Variants in ELAPOR2 observed in about 807,000 individuals in gnomAD.
ELAPOR2 encodes the protein endosome-lysosome associated apoptosis and autophagy regulator family member 2, also known as endosome/lysosome-associated apoptosis and autophagy regulator family member 2.
Under a neutral mutation model 120.7 loss-of-function variants are expected in ELAPOR2, and 89 were observed. The observed-to-expected ratio is 0.74, with a 90% confidence interval of 0.62 to 0.88. The LOEUF (loss-of-function observed/expected upper bound fraction) is 0.88. Ranked by LOEUF, ELAPOR2 falls within the 40% of genes least tolerant of loss-of-function variation. The pLI, the probability that ELAPOR2 is intolerant of heterozygous loss-of-function variation, is 0.00. For missense variants in ELAPOR2, 1,134 were observed against 1,251.6 expected (o/e 0.91, Z 1.42); for synonymous variants, 444 against 444.9 (o/e 1.00, Z 0.03).
intron 1 of ELAPOR2, among the ~76,000 whole-genome samples, chr7:86,972,432 G>A (rs1792136142): frequency 6.6e-6 from 1 of 151,958 alleles, no homozygotes; most frequent in Non-Finnish European, 1.5e-5. Context: ...CTCTTCACTG[G>A]AATAAACTCT....
At chr7:87,002,129 A>G (rs1370083491) in intron 1 of ELAPOR2, among the ~76,000 whole-genome samples, 1 of 152,170 alleles carries the variant, frequency 6.6e-6, no homozygotes, top group African/African-American at 2.4e-5. Flanking sequence ...TAACTTGCCA[A>G]TTAGAGATAT....
chr7:86,945,721 A>C (rs962208963), intron 3 of ELAPOR2, among the ~76,000 whole-genome samples: 1 of 152,200 alleles, frequency 6.6e-6, no homozygotes, highest in African/African-American at 2.4e-5. Context: ...TGTTACCATA[A>C]GGATGCATAC....
intron 1 of ELAPOR2, among the ~76,000 whole-genome samples, chr7:87,048,192 C>T (rs1795008579): frequency 6.6e-6 from 1 of 150,566 alleles, no homozygotes; most frequent in Non-Finnish European, 1.5e-5. Flanking sequence ...TGCAGTGAGC[C>T]GAGATTGCAC....
chr7:87,036,231 T>C (rs1489900644), intron 1 of ELAPOR2, among the ~76,000 whole-genome samples: 1 of 152,150 alleles, frequency 6.6e-6, no homozygotes, highest in Non-Finnish European at 1.5e-5. Flanking sequence ...CCCAGTACTT[T>C]GGGAGGCTGA....
rs1789400999 is a variant in ELAPOR2 at position 86,913,151 on chromosome 7, A to C, written c.1785T>G (p.Asn595Lys). Residue 595 changes from asparagine (N) to lysine (K), a missense_variant, in exon 14 of 22, where the codon AAT (asparagine) becomes AAG (lysine). Around this residue, in one of 3 missense-constraint regions of ELAPOR2, gnomAD observed 831 missense variants for 867.6 expected, o/e 0.96. Transcript: ENST00000450689. ...MVKIYSITAT[N>K]AVDGVASSCR... ...ATGAGGACGCCACCCCATCAACTGC[A>C]TTAGTGGCTGTGATAGAATAAATCT... is the stretch of plus-strand genomic sequence containing the variant. The C allele has an allele frequency of 6.2e-7, 1 of 1,614,070 alleles. No homozygotes were observed. Among genetic ancestry groups the C allele is most frequent in the Non-Finnish European group, 8.5e-7 (1 of 1,179,974 alleles).
At chr7:86,899,744 A>G (rs1043037108) in intron 18 of ELAPOR2, among the ~76,000 whole-genome samples, 2 of 152,166 alleles carry the variant, frequency 1.3e-5, no homozygotes, top group African/African-American at 4.8e-5. Flanking sequence ...AATGTTGTTT[A>G]TAGCATGCTG....
rs190801595 is a variant in ELAPOR2, at chr7:87,058,024, T to A, written c.189+1301A>T. 1.9e-4 allele frequency among the ~76,000 whole-genome samples: 29 copies of A among 152,358 alleles called. No homozygotes were observed. The East Asian group carries it at 3.3e-3, about 17-fold the overall frequency. ...TGTAGAATATAGATTAAGCTCATTA[T>A]ACTAAAAAGCCCTAAAATTAAACAC... On this transcript the variant is annotated intron_variant, in intron 1 of 21. Transcript: ENST00000450689.
At chr7:86,897,751 A>C (rs1284720848) in intron 18 of ELAPOR2, 119 bp from the exon 19 acceptor site, 13 of 1,155,068 alleles carry the variant, frequency 1.1e-5, no homozygotes, top group Admixed American at 4.6e-5. Flanking sequence ...GATGCTGAAG[A>C]AACACAAGTG....
chr7:87,023,721 T>G (rs1794143061), intron 1 of ELAPOR2, among the ~76,000 whole-genome samples: 1 of 152,184 alleles, frequency 6.6e-6, no homozygotes, highest in South Asian at 2.1e-4. Flanking sequence ...TCCATTTGTT[T>G]GTATCCTCTT....
chr7:86,910,158 C>T (rs1200252221), intron 15 of ELAPOR2, among the ~76,000 whole-genome samples, 157 bp from the exon 16 acceptor site: 1 of 152,070 alleles, frequency 6.6e-6, no homozygotes, highest in Non-Finnish European at 1.5e-5. Context: ...CCCATCAGTA[C>T]TTTTTAAAAG....
At chr7:86,947,456 T>G (rs1258229911) in intron 3 of ELAPOR2, among the ~76,000 whole-genome samples, 1 of 152,228 alleles carries the variant, frequency 6.6e-6, no homozygotes, top group Non-Finnish European at 1.5e-5. Context: ...CACCAGTGGC[T>G]TAAATGTAGT....
chr7:87,045,000 T>C (rs1308827499), intron 1 of ELAPOR2, among the ~76,000 whole-genome samples: 22 of 143,142 alleles, frequency 1.5e-4, no homozygotes, highest in Admixed American at 1.2e-3. Flanking sequence ...AAAAAACACA[T>C]GAAAAAATGC....
chr7:86,987,573 G>A (rs13229149), intron 1 of ELAPOR2, among the ~76,000 whole-genome samples: 57,516 of 151,990 alleles, frequency 0.38, 11,732 homozygotes, highest in African/African-American at 0.53. Context: ...AGACATTTAT[G>A]CAGCCAACAG....
intron 21 of ELAPOR2, among the ~76,000 whole-genome samples, chr7:86,885,257 C>A (rs1799632752): frequency 6.6e-6 from 1 of 152,158 alleles, no homozygotes; most frequent in Non-Finnish European, 1.5e-5. Flanking sequence ...GGACATAAAA[C>A]CTGCAGCCTC....
rs532742604 is a variant in ELAPOR2, at chr7:87,049,290, A to T, written c.189+10035T>A. ...GATTGAAATTTTATTTTATTTATTTATTTTTTTTTGAGACCGAGCCTCGCT... is the reference window on the plus strand; with the variant it reads ...GATTGAAATTTTATTTTATTTATTTTTTTTTTTTTGAGACCGAGCCTCGCT... On this transcript the variant is annotated intron_variant, in intron 1 of 21. Coordinates refer to ENST00000450689, the MANE Select transcript of ELAPOR2 (RefSeq NM_001142749.3). 5.5e-3 allele frequency among the ~76,000 whole-genome samples: 831 copies of T among 150,318 alleles called. 7 individuals carry two copies. Among genetic ancestry groups the T allele is most frequent in the African/African-American group, 0.019 (766 of 40,988 alleles).
chr7:87,007,462 TA>T (rs1362851350), intron 1 of ELAPOR2, among the ~76,000 whole-genome samples: 1 of 152,160 alleles, frequency 6.6e-6, no homozygotes, highest in Non-Finnish European at 1.5e-5. Context: ...TATGAACAGA[TA>T]TGGAATGAAA....
rs112883431 is a variant in ELAPOR2 at position 87,046,977 on chromosome 7, A to G, written c.189+12348T>C. Among the ~76,000 whole-genome samples, 1,220 of 152,366 alleles carry G rather than the reference A, an allele frequency of 8.0e-3. 16 individuals are homozygous for G. Among genetic ancestry groups the G allele is most frequent in the African/African-American group, 0.028 (1,171 of 41,584 alleles). ...GTAACCAAAATAGCATGATACTGTCATAAAAACAGACACATAGACCAATGG... is the reference window on the plus strand; with the variant it reads ...GTAACCAAAATAGCATGATACTGTCGTAAAAACAGACACATAGACCAATGG... On this transcript the variant is annotated intron_variant, in intron 1 of 21. Transcript: ENST00000450689.
chr7:86,971,080 T>C (rs1029881807), intron 1 of ELAPOR2, among the ~76,000 whole-genome samples: 1 of 152,168 alleles, frequency 6.6e-6, no homozygotes, highest in Non-Finnish European at 1.5e-5. Flanking sequence ...GCTTAGACTA[T>C]TTTCTTTCTA....
chr7:87,045,691 T>C (rs914600315), intron 1 of ELAPOR2, among the ~76,000 whole-genome samples: 4 of 151,742 alleles, frequency 2.6e-5, no homozygotes, highest in Non-Finnish European at 4.4e-5. Flanking sequence ...CGCACCAGCA[T>C]GGCACATGTA....
Sources: gnomAD v4.1 joint callset for allele counts (sites outside exome capture counted in the v4.1 genomes callset) on GRCh38, gnomAD v4.1.1 for gene constraint, gnomAD v4.1.1 regional missense constraint, MANE v1.5 for transcripts, NCBI Gene and HGNC (gene_info 2026-07-23, HGNC 2026-07-21) for gene names.